Variants in ALX3 observed in about 807,000 individuals in gnomAD.
ALX3 encodes the protein homeobox protein aristaless-like 3.
ALX3 carries 17 observed loss-of-function variants against 26.3 expected under a neutral mutation model. That is an observed-to-expected ratio of 0.65 (90% CI 0.44 to 0.97). The LOEUF is 0.97. Among genes scored for constraint, ALX3 ranks in the 50% least tolerant of loss-of-function variants. ALX3 has a pLI of 0.00. For synonymous variants in ALX3, 208 were observed against 201.4 expected, an observed-to-expected ratio of 1.03 and a Z score of -0.28; for missense variants, 461 against 466.5, an observed-to-expected ratio of 0.99 and a Z score of 0.11.
At chr1:110,070,305 G>A in intron 1 of ALX3, 31 bp downstream of exon 1, 1 of 1,291,672 alleles carries the variant, frequency 7.7e-7, no homozygotes, top group Non-Finnish European at 9.8e-7. Flanking sequence ...AGAGGGTCGG[G>A]CTGCGCGCTA....
intron 1 of ALX3, among the ~76,000 whole-genome samples, chr1:110,070,128 G>A (rs1217878401): frequency 2.0e-5 from 3 of 152,146 alleles, no homozygotes; most frequent in Non-Finnish European, 4.4e-5. Flanking sequence ...CCGAGGAACG[G>A]TGGTTCACCC....
chr1:110,060,966 G>A lies in ALX3; in HGVS notation c.799C>T (p.Pro267Ser). Residue 267 changes from proline (P) to serine (S), a missense_variant, in exon 4 of 4, where the codon CCC (proline) becomes TCC (serine). Pro to Ser is a moderately conservative substitution (Grantham distance 74). Coordinates refer to ENST00000647563, the MANE Select transcript of ALX3 (RefSeq NM_006492.3). ...GPCLVSPEGI[P>S]SPCMSPYSHP... is the part of the protein sequence containing the mutation. ...GAATATGGAGACATGCATGGGGAGG[G>A]GATGCCCTCTGGAGACACAAGGCAG... The A allele has an allele frequency of 6.2e-7, 1 of 1,612,844 alleles. No individual in the cohort carries two copies. Among genetic ancestry groups the A allele is most frequent in the East Asian group, 2.2e-5 (1 of 44,852 alleles).
chr1:110,064,920 A>G lies in ALX3; in HGVS notation c.278-17T>C, dbSNP rs1480075708. On this transcript the variant is annotated splice_polypyrimidine_tract_variant and intron_variant, in intron 1 of 3. Transcript: ENST00000647563. ...TCTCCTCAGCTGCAATGGAGAACAC[A>G]AAAGGGAGGATGGCAACTGAACCAG... The G allele has an allele frequency of 6.3e-7, 1 of 1,587,464 alleles. No homozygotes were observed. Among genetic ancestry groups the G allele is most frequent in the East Asian group, 2.2e-5 (1 of 44,604 alleles).
Position 110,070,645 on chromosome 1 carries a change from C to G in ALX3, c.-33G>C. The G allele has an allele frequency of 8.4e-7, 1 of 1,192,434 alleles. No homozygotes were observed. Among genetic ancestry groups the G allele is most frequent in the Non-Finnish European group, 1.0e-6 (1 of 965,238 alleles). 73.9% of individuals were successfully genotyped at this position (1,192,434 alleles called of 1,614,324 possible). ...CAGGGCGCACAGGCCTCCGGGGCTC[C>G]GGGGCTCGCGCTGCCCGCGCCGCCT... On this transcript the variant is annotated 5_prime_UTR_variant, in exon 1 of 4. Coordinates refer to ENST00000647563, the MANE Select transcript of ALX3 (RefSeq NM_006492.3).
At position 110,060,409 on chromosome 1, in the gene ALX3, G is replaced by C. The variant is rs1323487430; in HGVS notation, c.*324C>G. The C allele has an allele frequency of 5.1e-6, 1 of 197,070 alleles. No homozygotes were observed. The highest frequency in any genetic ancestry group is 5.7e-5 in the Admixed American group (1 of 17,396). 12.2% of individuals were successfully genotyped at this position (197,070 alleles called of 1,614,324 possible). On this transcript the variant is annotated 3_prime_UTR_variant, in exon 4 of 4. Coordinates refer to ENST00000647563, the MANE Select transcript of ALX3 (RefSeq NM_006492.3). ...CCCTGAACGATGAGCCAAGTAAGCT[G>C]TCTTAGCTGGAGAGATGACAATGGA...
intron 2 of ALX3, 32 bp from the exon 3 acceptor site, chr1:110,061,595 G>A: frequency 6.2e-7 from 1 of 1,613,604 alleles, no homozygotes; most frequent in Non-Finnish European, 8.5e-7. Context: ...TTGAGGGGGT[G>A]ATAGGGCAGC....
At position 110,060,713 on chromosome 1, in the gene ALX3, C is replaced by G. The variant is rs781277008; in HGVS notation, c.*20G>C. On this transcript the variant is annotated 3_prime_UTR_variant, in exon 4 of 4. Transcript: ENST00000647563. ...TGGAAAAAGAGGTGGGCAGCTCATTCTGCAGGTCCATGCAACCGATCACGT... is the reference window on the plus strand; with the variant it reads ...TGGAAAAAGAGGTGGGCAGCTCATTGTGCAGGTCCATGCAACCGATCACGT... The G allele has an allele frequency of 7.7e-7, 1 of 1,303,768 alleles. No individual in the cohort carries two copies. The highest frequency in any genetic ancestry group is 9.8e-7 in the Non-Finnish European group (1 of 1,022,620). 80.8% of individuals were successfully genotyped at this position (1,303,768 alleles called of 1,614,324 possible). A position where few individuals can be genotyped will look rare whatever the true frequency, so the allele number is the denominator to read the frequency against.
chr1:110,064,996 G>A (rs1194579832), intron 1 of ALX3, 93 bp from the exon 2 acceptor site: 2 of 1,253,802 alleles, frequency 1.6e-6, no homozygotes, highest in Non-Finnish European at 2.2e-6. Context: ...TGACGCCTCA[G>A]TCTCCGCCTC....
At chr1:110,062,077 C>T (rs1653662591) in intron 2 of ALX3, 1 of 157,326 alleles carries the variant, frequency 6.4e-6, no homozygotes, top group African/African-American at 2.4e-5. Context: ...CCCTGCCTCT[C>T]TGCACAGCCT....
At chr1:110,069,989 G>A (rs1455685876) in intron 1 of ALX3, among the ~76,000 whole-genome samples, 1 of 152,190 alleles carries the variant, frequency 6.6e-6, no homozygotes, top group Non-Finnish European at 1.5e-5. Flanking sequence ...CAGGGTAGGT[G>A]GCAGTTCCAG....
chr1:110,064,820 A>G lies in ALX3; in HGVS notation c.361T>C (p.Leu121=), dbSNP rs1471289643. 6.2e-7 allele frequency: 1 copy of G among 1,613,470 alleles called. No homozygotes were observed. Among genetic ancestry groups the G allele is most frequent in the East Asian group, 2.2e-5 (1 of 44,844 alleles). ...RGGPRDGPSN[L]QGSPGPCLAS... ...AGGCAGGGGCCTGGGGAGCCTTGCAAGTTAGAGGGCCCGTCTCTGGGGCCC... is the reference window on the plus strand; with the variant it reads ...AGGCAGGGGCCTGGGGAGCCTTGCAGGTTAGAGGGCCCGTCTCTGGGGCCC... Residue 121 remains leucine (L), a synonymous_variant, in exon 2 of 4, where the codon TTG becomes CTG. Coordinates refer to ENST00000647563, the MANE Select transcript of ALX3 (RefSeq NM_006492.3).
chr1:110,064,276 CTG>C (rs1308924694), intron 2 of ALX3, among the ~76,000 whole-genome samples: 1 of 152,200 alleles, frequency 6.6e-6, no homozygotes, highest in African/African-American at 2.4e-5. Flanking sequence ...GAAACTGAGA[CTG>C]AGAGATCTAT....
chr1:110,063,819 C>T (rs57001237), intron 2 of ALX3, among the ~76,000 whole-genome samples: 1,830 of 151,990 alleles, frequency 0.012, 40 homozygotes, highest in African/African-American at 0.042. Context: ...CCATCCCCAG[C>T]CTGCTTGCCA....
intron 3 of ALX3, 146 bp downstream of exon 3, chr1:110,061,285 GGCAA>G: frequency 2.3e-6 from 3 of 1,311,956 alleles, no homozygotes; most frequent in East Asian, 5.0e-5. Flanking sequence ...TCATGAGACA[GGCAA>G]GAGCCCCGGT....
Position 110,070,481 on chromosome 1 carries a change from G to C in ALX3, c.132C>G (p.Arg44=). 1 of 1,258,554 alleles carries C rather than the reference G, an allele frequency of 7.9e-7. No homozygotes were observed. Among genetic ancestry groups the C allele is most frequent in the Non-Finnish European group, 1.0e-6 (1 of 1,002,262 alleles). 78.0% of individuals were successfully genotyped at this position (1,258,554 alleles called of 1,614,324 possible). The part of the protein sequence containing the change: ...AAPHLHPAPP[R]GPRLTRFPAC... ...CCGGAAAGCGGGTCAGCCGCGGGCC[G>C]CGGGGCGGCGCGGGGTGCAGGTGAG... The change falls in exon 1 of 4, where the codon CGC becomes CGG. Residue 44 remains arginine, a synonymous_variant. Coordinates refer to ENST00000647563, the MANE Select transcript of ALX3 (RefSeq NM_006492.3).
chr1:110,066,827 CAGA>C (rs1484920598), intron 1 of ALX3, among the ~76,000 whole-genome samples: 1 of 152,124 alleles, frequency 6.6e-6, no homozygotes. Flanking sequence ...AGGACCTGCC[CAGA>C]AGAAGGGACC....
chr1:110,061,315 T>G (rs1354968216), intron 3 of ALX3, 120 bp downstream of exon 3: 1 of 1,447,134 alleles, frequency 6.9e-7, no homozygotes, highest in African/African-American at 1.4e-5. Flanking sequence ...GAGAAAGAAG[T>G]GAAGTGGTGT....
intron 2 of ALX3, among the ~76,000 whole-genome samples, chr1:110,063,090 A>G (rs1481195514): frequency 6.6e-6 from 1 of 152,114 alleles, no homozygotes; most frequent in Non-Finnish European, 1.5e-5. Context: ...CAGGGTCTCC[A>G]TCCTTCAGGA....
At chr1:110,061,765 T>A in intron 2 of ALX3, 1 of 772,150 alleles carries the variant, frequency 1.3e-6, no homozygotes, top group Non-Finnish European at 2.0e-6. Context: ...CCACAGTGGG[T>A]AATTGGCCCC....
Sources: gnomAD v4.1 joint callset for allele counts (sites outside exome capture counted in the v4.1 genomes callset) on GRCh38, gnomAD v4.1.1 for gene constraint, MANE v1.5 for transcripts, NCBI Gene and HGNC (gene_info 2026-07-23, HGNC 2026-07-21) for gene names.